Variants in DLG2 observed in about 807,000 individuals in gnomAD.
DLG2 encodes discs large MAGUK scaffold protein 2.
A neutral mutation model predicts 132.5 loss-of-function variants in DLG2; 45 were observed. That is an observed-to-expected ratio of 0.34 (90% confidence interval 0.27 to 0.44). DLG2 has a LOEUF of 0.44. Among genes scored for constraint, DLG2 ranks in the 20% least tolerant of loss-of-function variants. DLG2 has a pLI of 1.00. For missense variants in DLG2, 1,045 were observed against 1,196.9 expected (o/e 0.87, Z 1.87); for synonymous variants, 424 against 419.6 (o/e 1.01, Z -0.13).
chr11:84,778,419 C>T (rs1026606127), intron 6 of DLG2, among the ~76,000 whole-genome samples: 5 of 152,000 alleles, frequency 3.3e-5, no homozygotes, highest in Admixed American at 6.6e-5. Flanking sequence ...TTGCTTAAGA[C>T]GTTTTGAGTC....
chr11:83,838,934 T>G (rs2056912966), intron 16 of DLG2, among the ~76,000 whole-genome samples: 1 of 152,204 alleles, frequency 6.6e-6, no homozygotes, highest in Non-Finnish European at 1.5e-5. Context: ...GAGAGTAAGA[T>G]TCCTATGGAA....
At chr11:84,012,642 T>C (rs1593050288) in intron 11 of DLG2, among the ~76,000 whole-genome samples, 1 of 152,242 alleles carries the variant, frequency 6.6e-6, no homozygotes, top group South Asian at 2.1e-4. Context: ...GTGGTTAGGT[T>C]GAAGGGGAGA....
chr11:83,541,717 G>C lies in DLG2; in HGVS notation c.2082C>G (p.Asp694Glu), dbSNP rs1402650391. The C allele has an allele frequency of 6.2e-7, 1 of 1,611,502 alleles. No individual in the cohort carries two copies. Among genetic ancestry groups the C allele is most frequent in the Non-Finnish European group, 8.5e-7 (1 of 1,178,750 alleles). The stretch of plus-strand genomic sequence containing the variant: ...TGGGGATGACCCCCATCTCCTCACT[G>C]TCTCCCTCCAGCATGACTCTCCTGG... ...WQARRVMLEG[D>E]SEEMGVIPSK... Residue 694 changes from aspartate to glutamate, a missense_variant, in exon 20 of 28, where the codon GAC becomes GAG. This residue lies in a region of DLG2 where 398 missense variants were observed against 543.6 expected (regional missense o/e 0.73). Transcript: ENST00000376104.
At chr11:84,880,699 G>A (rs143525216) in intron 6 of DLG2, among the ~76,000 whole-genome samples, 8 of 152,188 alleles carry the variant, frequency 5.3e-5, no homozygotes, top group Non-Finnish European at 8.8e-5. Context: ...AGGACATGGT[G>A]TAGCTGAAAT....
chr11:83,853,624 G>A (rs1475386523), intron 16 of DLG2, among the ~76,000 whole-genome samples: 1 of 152,032 alleles, frequency 6.6e-6, no homozygotes, highest in African/African-American at 2.4e-5. Flanking sequence ...TGAGATTCTT[G>A]AGTATTTTAT....
At position 85,235,361 on chromosome 11, in the gene DLG2, A is replaced by G. The variant is rs185391916; in HGVS notation, c.186+49859T>C. 4.5e-4 allele frequency among the ~76,000 whole-genome samples: 68 copies of G among 152,096 alleles called. 2 individuals carry two copies. The highest frequency in any genetic ancestry group is 1.3e-3 in the African/African-American group (56 of 41,558). Reference sequence around the variant, plus strand: ...ATTGTATGCCTATGTCCTTTCATCCATCCTTTCATTCATCCATCTATCCAT... The same window carrying G: ...ATTGTATGCCTATGTCCTTTCATCCGTCCTTTCATTCATCCATCTATCCAT... On this transcript the variant is annotated intron_variant, in intron 4 of 27. Transcript: ENST00000376104.
chr11:83,937,477 C>T (rs1313481630), intron 14 of DLG2, among the ~76,000 whole-genome samples: 1 of 143,444 alleles, frequency 7.0e-6, no homozygotes. Flanking sequence ...CACCGCACTC[C>T]AGCCTGGGCG....
chr11:85,017,780 T>A (rs2059693498), intron 6 of DLG2, among the ~76,000 whole-genome samples: 1 of 152,110 alleles, frequency 6.6e-6, no homozygotes, highest in Non-Finnish European at 1.5e-5. Context: ...AACAAACACT[T>A]GCCCTTGAAG....
chr11:84,975,750 T>C (rs1422911202), intron 6 of DLG2, among the ~76,000 whole-genome samples: 1 of 152,204 alleles, frequency 6.6e-6, no homozygotes, highest in East Asian at 1.9e-4. Context: ...TCTGAAAATA[T>C]ACAAAGTTTC....
chr11:85,043,367 G>A (rs906356515), intron 6 of DLG2, among the ~76,000 whole-genome samples: 4 of 151,766 alleles, frequency 2.6e-5, no homozygotes, highest in Admixed American at 6.6e-5. Flanking sequence ...TGCACACAGA[G>A]TAGGTATTTT....
chr11:85,414,170 G>T lies in DLG2; in HGVS notation c.41-128805C>A, dbSNP rs561680095. ...ACTTTTCTTCCAGCTATTGTAAAAG[G>T]GGTTGAGTTCTCAATTTGATTATCA... On this transcript the variant is annotated intron_variant, in intron 3 of 27. Transcript: ENST00000376104. 5.3e-5 allele frequency among the ~76,000 whole-genome samples: 8 copies of T among 152,126 alleles called. No homozygotes were observed. In the South Asian group the frequency reaches 1.2e-3, roughly 24 times the overall value.
chr11:83,504,144 A>T (rs1190791770), intron 21 of DLG2, among the ~76,000 whole-genome samples: 1 of 152,204 alleles, frequency 6.6e-6, no homozygotes, highest in Non-Finnish European at 1.5e-5. Context: ...GAAGGAGGAA[A>T]TCCTTATGAC....
At chr11:83,833,064 T>C (rs2055016259) in intron 17 of DLG2, among the ~76,000 whole-genome samples, 1 of 152,194 alleles carries the variant, frequency 6.6e-6, no homozygotes. Context: ...TCAGAACATC[T>C]AGAAGAAAAC....
At chr11:84,597,937 T>G (rs145881133) in intron 6 of DLG2, among the ~76,000 whole-genome samples, 308 of 152,304 alleles carry the variant, frequency 2.0e-3, no homozygotes, top group African/African-American at 7.2e-3. Flanking sequence ...GAGAACAAAT[T>G]AAATGATACC....
intron 4 of DLG2, among the ~76,000 whole-genome samples, chr11:85,281,221 G>A (rs2078203104): frequency 3.3e-5 from 5 of 151,994 alleles, no homozygotes. Flanking sequence ...ACAAGTCGAT[G>A]TCACTTTCTT....
At chr11:83,938,233 G>C (rs2081931541) in intron 14 of DLG2, among the ~76,000 whole-genome samples, 2 of 152,216 alleles carry the variant, frequency 1.3e-5, no homozygotes, top group Non-Finnish European at 2.9e-5. Context: ...ATATGGGGCT[G>C]TGGGGACAGC....
chr11:84,848,774 T>C (rs73516903), intron 6 of DLG2, among the ~76,000 whole-genome samples: 1,584 of 152,290 alleles, frequency 0.01, 25 homozygotes, highest in African/African-American at 0.035. Flanking sequence ...ATATTTTGCA[T>C]GTGGAAGGGA....
chr11:84,888,874 T>A (rs2088817877), intron 6 of DLG2, among the ~76,000 whole-genome samples: 1 of 152,132 alleles, frequency 6.6e-6, no homozygotes, highest in Non-Finnish European at 1.5e-5. Context: ...ATATACATCA[T>A]CTAGAACTTC....
At chr11:84,172,860 T>A (rs7113736) in intron 8 of DLG2, among the ~76,000 whole-genome samples, 9,245 of 151,950 alleles carry the variant, frequency 0.061, 529 homozygotes, top group African/African-American at 0.15. Flanking sequence ...ACTTTTTTTT[T>A]AAAAAATTAT....
Sources: allele counts gnomAD v4.1 joint callset (sites outside exome capture counted in the v4.1 genomes callset), GRCh38; gene constraint gnomAD v4.1.1; regional missense constraint gnomAD v4.1.1; transcripts MANE v1.5; gene names NCBI Gene and HGNC (gene_info 2026-07-23, HGNC 2026-07-21).